The following ERBIN variants were observed in gnomAD, a reference collection of about 807,000 sequenced individuals.
ERBIN encodes the protein densin-180-like protein.
A neutral mutation model predicts 158.4 loss-of-function variants in ERBIN; 60 were observed. The ratio of observed to expected loss-of-function variants is 0.38; its 90% CI spans 0.31 to 0.47. The LOEUF is 0.47. Among genes scored for constraint, ERBIN ranks in the 20% least tolerant of loss-of-function variants. The pLI is 0.99. For missense variants in ERBIN, 1,610 were observed against 1,648.0 expected, an observed-to-expected ratio of 0.98 and a Z score of 0.40; for synonymous variants, 594 against 557.2, an observed-to-expected ratio of 1.07 and a Z score of -0.93.
intron 19 of ERBIN, among the ~76,000 whole-genome samples, chr5:66,050,077 C>T (rs1265533424): frequency 6.6e-6 from 1 of 151,960 alleles, no homozygotes; most frequent in African/African-American, 2.4e-5. Context: ...GAAATAATTT[C>T]TTGCCCAGTT....
At position 66,081,606 on chromosome 5, in the gene ERBIN, T is replaced by C. The variant is rs1407334878; in HGVS notation, c.*3076T>C. On this transcript the variant is annotated 3_prime_UTR_variant, in exon 26 of 26. Coordinates refer to ENST00000284037, the MANE Select transcript of ERBIN (RefSeq NM_001253697.2). ...GTTAGAGAAATTCTCATGAAAAATA[T>C]ACAATTTTTTTTTAGCATTAAAACC... 1 of 152,090 alleles carries C rather than the reference T, an allele frequency of 6.6e-6. No homozygotes were observed. The highest frequency in any genetic ancestry group is 1.5e-5 in the Non-Finnish European group (1 of 67,962). 9.4% of individuals were successfully genotyped at this position (152,090 alleles called of 1,614,324 possible).
At chr5:65,939,049 C>G (rs1171891955) in intron 1 of ERBIN, among the ~76,000 whole-genome samples, 1 of 152,158 alleles carries the variant, frequency 6.6e-6, no homozygotes, top group African/African-American at 2.4e-5. Flanking sequence ...AGTAATAGAG[C>G]TGGCCCGCTT....
chr5:65,955,623 CAACA>C lies in ERBIN; in HGVS notation c.-58+28830_-58+28833del, dbSNP rs199903769. 7.1e-3 allele frequency among the ~76,000 whole-genome samples: 1,087 copies of C among 152,294 alleles called. 14 individuals are homozygous for C. Among genetic ancestry groups the C allele is most frequent in the African/African-American group, 0.025 (1,030 of 41,548 alleles). On this transcript the variant is annotated intron_variant, in intron 1 of 25. Coordinates refer to ENST00000284037, the MANE Select transcript of ERBIN (RefSeq NM_001253697.2). ...CCAGCATGGGTGACAGACTCCATCT[CAACA>C]AACAAACAAACATCAGAATATAGAT...
At chr5:66,062,081 A>G (rs1760448471) in intron 21 of ERBIN, among the ~76,000 whole-genome samples, 1 of 151,882 alleles carries the variant, frequency 6.6e-6, no homozygotes, top group African/African-American at 2.4e-5. Flanking sequence ...CTGAATTTGA[A>G]TGTTGGCTTG....
intron 15 of ERBIN, among the ~76,000 whole-genome samples, chr5:66,042,047 AG>A (rs1004070585): frequency 2.0e-5 from 3 of 152,028 alleles, no homozygotes; most frequent in Admixed American, 6.6e-5. Flanking sequence ...AGATTTTAAA[AG>A]GTTAAGCAAG....
chr5:66,068,902 C>A, intron 21 of ERBIN: 3 of 1,535,366 alleles, frequency 2.0e-6, no homozygotes, highest in Non-Finnish European at 2.6e-6. Flanking sequence ...TCCTTTAATT[C>A]CAATTTTACT....
intron 1 of ERBIN, among the ~76,000 whole-genome samples, chr5:65,987,906 A>G (rs948891427): frequency 1.3e-5 from 2 of 152,136 alleles, no homozygotes; most frequent in Non-Finnish European, 2.9e-5. Context: ...AGTGCCTGCC[A>G]CATAGAACTA....
intron 8 of ERBIN, 51 bp from the exon 9 acceptor site, chr5:66,023,239 A>T (rs767025420): frequency 7.5e-7 from 1 of 1,328,386 alleles, no homozygotes; most frequent in East Asian, 2.3e-5. Context: ...AGATAAAGAC[A>T]TTCATAAAAA....
chr5:66,076,850 T>G (rs1360917460), intron 24 of ERBIN, 25 bp from the exon 25 acceptor site: 2 of 1,553,928 alleles, frequency 1.3e-6, no homozygotes, highest in Non-Finnish European at 1.8e-6. Context: ...TGTTTTTAGT[T>G]AAATAATTTT....
chr5:65,964,938 G>A (rs1365611704), intron 1 of ERBIN, among the ~76,000 whole-genome samples: 1 of 53,382 alleles, frequency 1.9e-5, no homozygotes, highest in Non-Finnish European at 5.3e-5. Context: ...GTGTGTGTGT[G>A]TGTGTGTAAT....
chr5:66,019,893 T>C (rs1195551711), intron 7 of ERBIN, among the ~76,000 whole-genome samples: 1 of 152,142 alleles, frequency 6.6e-6, no homozygotes, highest in African/African-American at 2.4e-5. Context: ...TCTTTCAGTC[T>C]TCTCTTCCTC....
At chr5:66,010,404 G>T (rs1474684523) in intron 4 of ERBIN, among the ~76,000 whole-genome samples, 1 of 152,010 alleles carries the variant, frequency 6.6e-6, no homozygotes, top group Non-Finnish European at 1.5e-5. Context: ...AGGTTAAGGT[G>T]GTGCTTGTCA....
chr5:65,940,476 T>TCCC lies in ERBIN; in HGVS notation c.-58+13680_-58+13682dup, dbSNP rs1244777484. On this transcript the variant is annotated intron_variant, in intron 1 of 25. Coordinates refer to ENST00000284037, the MANE Select transcript of ERBIN (RefSeq NM_001253697.2). Reference sequence around the variant, plus strand: ...TCCGGGAGGGAGGTGGGGGGGTCAGTCCCCCCCCCCCCGGCCAGCCGCCCC... The same window carrying TCCC: ...TCCGGGAGGGAGGTGGGGGGGTCAGTCCCCCCCCCCCCCCCGGCCAGCCGCCCC... Among the ~76,000 whole-genome samples the TCCC allele has an allele frequency of 6.5e-4, 12 of 18,480 alleles. 2 individuals carry two copies. Among genetic ancestry groups the TCCC allele is most frequent in the East Asian group, 4.3e-3 (3 of 696 alleles). The allele number at this position is 18,480 out of a possible 152,430, so 12.1% of individuals were successfully genotyped here.
chr5:66,055,185 A>T, intron 21 of ERBIN: 2 of 1,022,620 alleles, frequency 2.0e-6, no homozygotes, highest in Non-Finnish European at 2.5e-6. Flanking sequence ...TATTAATTTT[A>T]TATGTTTATG....
At chr5:66,072,045 G>T in intron 21 of ERBIN, 124 bp from the exon 22 acceptor site, 1 of 896,856 alleles carries the variant, frequency 1.1e-6, no homozygotes, top group Non-Finnish European at 1.7e-6. Flanking sequence ...GGCAGTGTTT[G>T]ATTTGGGTCT....
intron 18 of ERBIN, among the ~76,000 whole-genome samples, chr5:66,047,823 G>C (rs1758596268): frequency 6.6e-6 from 1 of 151,992 alleles, no homozygotes; most frequent in Non-Finnish European, 1.5e-5. Flanking sequence ...GTTTGTTACA[G>C]TGAACTTATG....
At chr5:65,939,230 A>G (rs1255997582) in intron 1 of ERBIN, among the ~76,000 whole-genome samples, 5 of 152,042 alleles carry the variant, frequency 3.3e-5, no homozygotes, top group Non-Finnish European at 7.4e-5. Flanking sequence ...CGAGGCCAGG[A>G]GGTGGAGACC....
At chr5:66,004,267 A>C (rs919052068) in intron 4 of ERBIN, among the ~76,000 whole-genome samples, 1 of 152,078 alleles carries the variant, frequency 6.6e-6, no homozygotes, top group Non-Finnish European at 1.5e-5. Context: ...GTTACTAAAG[A>C]AGTATACGTC....
chr5:66,054,354 A>G lies in ERBIN; in HGVS notation c.3036A>G (p.Arg1012=). The G allele has an allele frequency of 3.1e-6, 5 of 1,614,164 alleles. No homozygotes were observed. The highest frequency in any genetic ancestry group is 4.2e-6 in the Non-Finnish European group (5 of 1,180,018). The change falls in exon 21 of 26, where the codon AGA becomes AGG. Residue 1012 remains arginine, a synonymous_variant. Transcript: ENST00000284037. ...GTTTTCCTCCTCAGCTCCTTCCTAG[A>G]TCAGAGAGCACAGAAAATCAAAGTT... ...HASFPPQLLP[R]SESTENQSYA...
Sources: gnomAD v4.1 joint callset for allele counts (sites outside exome capture counted in the v4.1 genomes callset) on GRCh38, gnomAD v4.1.1 for gene constraint, MANE v1.5 for transcripts, NCBI Gene and HGNC (gene_info 2026-07-23, HGNC 2026-07-21) for gene names.